The following TBC1D5 variants were observed in gnomAD, a reference collection of about 807,000 sequenced individuals.
TBC1D5 encodes TBC1 domain family, member 5.
In TBC1D5, 75 loss-of-function variants were observed where a neutral mutation model predicts 100.3. That is an observed-to-expected ratio of 0.75 (90% CI 0.62 to 0.91). The LOEUF is 0.91. TBC1D5 is among the 40% of genes least tolerant of loss of function. TBC1D5 has a pLI of 0.00. For synonymous variants in TBC1D5, 323 were observed against 325.6 expected, an observed-to-expected ratio of 0.99 and a Z score of 0.09; for missense variants, 910 against 942.4, an observed-to-expected ratio of 0.97 and a Z score of 0.45.
intron 13 of TBC1D5, among the ~76,000 whole-genome samples, chr3:17,330,872 A>C (rs1273988176): frequency 6.6e-6 from 1 of 152,078 alleles, no homozygotes; most frequent in African/African-American, 2.4e-5. Flanking sequence ...CAAAAATCTG[A>C]ATCTACTGCT....
intron 13 of TBC1D5, among the ~76,000 whole-genome samples, chr3:17,368,782 T>C (rs1396240878): frequency 2.0e-5 from 3 of 152,100 alleles, no homozygotes; most frequent in African/African-American, 7.2e-5. Context: ...ATTAAAATTC[T>C]ATAAAATATC....
chr3:17,383,300 CAA>C (rs1323831024), intron 9 of TBC1D5, among the ~76,000 whole-genome samples: 1 of 151,344 alleles, frequency 6.6e-6, no homozygotes, highest in Non-Finnish European at 1.5e-5. Context: ...TAAAAATACC[CAA>C]GTGTGTGTAT....
chr3:17,617,974 C>T (rs1416175510), intron 2 of TBC1D5, among the ~76,000 whole-genome samples: 1 of 152,204 alleles, frequency 6.6e-6, no homozygotes, highest in Non-Finnish European at 1.5e-5. Flanking sequence ...TGGAGGAGAA[C>T]AGGCGCTCCA....
exon 22 of TBC1D5, chr3:17,158,072 G>A (rs1224940539): frequency 6.6e-6 from 1 of 152,226 alleles, no homozygotes. Context: ...GTAACTAAAT[G>A]TTTAATGTGT....
intron 15 of TBC1D5, among the ~76,000 whole-genome samples, chr3:17,283,554 T>G (rs2080831662): frequency 6.6e-6 from 1 of 152,100 alleles, no homozygotes; most frequent in Non-Finnish European, 1.5e-5. Flanking sequence ...TCTTAAACAA[T>G]AACTTATTGG....
At chr3:17,204,688 CTA>C (rs1479171314) in intron 18 of TBC1D5, among the ~76,000 whole-genome samples, 1 of 152,040 alleles carries the variant, frequency 6.6e-6, no homozygotes, top group Admixed American at 6.6e-5. Flanking sequence ...TTGCAGCACT[CTA>C]TTTCCTGTGA....
intron 1 of TBC1D5, among the ~76,000 whole-genome samples, chr3:17,711,180 A>T (rs1041460291): frequency 6.6e-6 from 1 of 152,210 alleles, no homozygotes. Flanking sequence ...ACACTAGATT[A>T]AAAATACTAA....
In TBC1D5 at chr3:17,322,982, C is replaced by T. The variant is rs183518514; in HGVS notation, c.996-14848G>A. Among the ~76,000 whole-genome samples the T allele has an allele frequency of 7.9e-4, 120 of 152,282 alleles. 2 individuals carry two copies. The East Asian group carries it at 0.012, about 15-fold the overall frequency. On this transcript the variant is annotated intron_variant, in intron 13 of 21. Coordinates refer to ENST00000253692, the Ensembl canonical transcript of TBC1D5. ...TTGGGTAGAACATACATTAGAACTG[C>T]ACTTTTAAAAAGTTTAAAAACAAGT... is the stretch of plus-strand genomic sequence containing the variant.
chr3:17,320,284 G>A (rs933838662), intron 13 of TBC1D5, among the ~76,000 whole-genome samples: 1 of 152,192 alleles, frequency 6.6e-6, no homozygotes, highest in Non-Finnish European at 1.5e-5. Flanking sequence ...CTCTAAACCA[G>A]CAGCATCAGC....
At chr3:17,475,514 T>C (rs76130312) in intron 3 of TBC1D5, among the ~76,000 whole-genome samples, 3,118 of 152,236 alleles carry the variant, frequency 0.02, 92 homozygotes, top group African/African-American at 0.07. Flanking sequence ...GGAATCTTTC[T>C]AGATAAATCT....
At chr3:17,681,155 G>C (rs2069407841) in intron 1 of TBC1D5, among the ~76,000 whole-genome samples, 1 of 151,614 alleles carries the variant, frequency 6.6e-6, no homozygotes, top group Non-Finnish European at 1.5e-5. Context: ...AAGTATTTCA[G>C]GAAGGGCTTC....
exon 14 of TBC1D5, chr3:17,308,004 T>C: frequency 6.2e-7 from 1 of 1,603,074 alleles, no homozygotes; most frequent in Non-Finnish European, 8.5e-7. Context: ...GCATCTCGGA[T>C]GTAAAGTAAC....
At chr3:17,462,546 C>T (rs2149959507) in intron 3 of TBC1D5, among the ~76,000 whole-genome samples, 1 of 152,144 alleles carries the variant, frequency 6.6e-6, no homozygotes, top group African/African-American at 2.4e-5. Flanking sequence ...GTCTTGAACT[C>T]CTGGGCTCAA....
At chr3:17,300,622 G>A (rs992257690) in intron 14 of TBC1D5, among the ~76,000 whole-genome samples, 2 of 152,116 alleles carry the variant, frequency 1.3e-5, no homozygotes, top group Admixed American at 6.5e-5. Context: ...AAAAACAGAG[G>A]AAAATTATAG....
At chr3:17,163,158 T>A (rs1009139909) in intron 21 of TBC1D5, among the ~76,000 whole-genome samples, 3 of 152,192 alleles carry the variant, frequency 2.0e-5, no homozygotes, top group African/African-American at 7.2e-5. Flanking sequence ...TGTAGTTATC[T>A]GGCATGCTTC....
At chr3:17,302,477 G>T (rs555966601) in intron 14 of TBC1D5, among the ~76,000 whole-genome samples, 1 of 146,378 alleles carries the variant, frequency 6.8e-6, no homozygotes, top group East Asian at 1.9e-4. Flanking sequence ...CTTTTGTTGA[G>T]GGGGGGGATA....
rs193250259 is a variant in TBC1D5, at chr3:17,198,019, A to G, written c.1753-12811T>C. ...GCCACTGCACTCCAGCCTGGGTGAC[A>G]GCATGAGTCCCTGTCTCAAGAAAAA... On this transcript the variant is annotated intron_variant, in intron 18 of 21. Transcript: ENST00000253692. Among the ~76,000 whole-genome samples the G allele has an allele frequency of 2.5e-3, 387 of 152,338 alleles. 2 individuals carry two copies. Among genetic ancestry groups the G allele is most frequent in the Non-Finnish European group, 4.3e-3 (292 of 68,030 alleles).
At chr3:17,275,233 A>G (rs1293672780) in intron 15 of TBC1D5, among the ~76,000 whole-genome samples, 3 of 152,158 alleles carry the variant, frequency 2.0e-5, no homozygotes, top group African/African-American at 7.2e-5. Flanking sequence ...GAAAAGGTAT[A>G]CAAAGCCTTC....
At chr3:17,368,172 T>G (rs2092274831) in intron 13 of TBC1D5, among the ~76,000 whole-genome samples, 4 of 152,130 alleles carry the variant, frequency 2.6e-5, no homozygotes, top group Admixed American at 2.6e-4. Flanking sequence ...ATTCAAGATT[T>G]CATGTGGACT....
Sources: gnomAD v4.1 joint callset for allele counts (sites outside exome capture counted in the v4.1 genomes callset) on GRCh38, gnomAD v4.1.1 for gene constraint, MANE v1.5 for transcripts, NCBI Gene and HGNC (gene_info 2026-07-23, HGNC 2026-07-21) for gene names.